Variants in ANO2 observed in about 807,000 individuals in gnomAD.
The protein encoded by ANO2 is anoctamin-2.
Under a neutral mutation model 124.2 loss-of-function variants are expected in ANO2, and 101 were observed. The observed-to-expected ratio is 0.81, with a 90% CI of 0.69 to 0.96. The LOEUF is 0.96. Among genes scored for constraint, ANO2 ranks in the 40% least tolerant of loss-of-function variants. The pLI, the probability that ANO2 is intolerant of heterozygous loss-of-function variation, is 0.00. For missense variants in ANO2, 1,293 were observed against 1,274.5 expected (o/e 1.01, Z -0.22); for synonymous variants, 486 against 482.5 (o/e 1.01, Z -0.09).
intron 10 of ANO2, among the ~76,000 whole-genome samples, chr12:5,786,990 T>C (rs1435145907): frequency 1.3e-5 from 2 of 152,188 alleles, no homozygotes; most frequent in Non-Finnish European, 1.5e-5. Flanking sequence ...ACAGCCACCA[T>C]AGGTGAGCAG....
intron 4 of ANO2, among the ~76,000 whole-genome samples, chr12:5,833,313 T>C (rs888915847): frequency 6.6e-6 from 1 of 152,228 alleles, no homozygotes; most frequent in South Asian, 2.1e-4. Context: ...GCACACATTA[T>C]AGCTTTGGAT....
chr12:5,718,641 A>G (rs532698440), intron 14 of ANO2, among the ~76,000 whole-genome samples: 1 of 152,340 alleles, frequency 6.6e-6, no homozygotes, highest in South Asian at 2.1e-4. Flanking sequence ...GGTCTAATAC[A>G]TAATGTAAGC....
chr12:5,837,293 CTTTTTTT>C (rs10623130), intron 4 of ANO2, among the ~76,000 whole-genome samples: 1 of 95,636 alleles, frequency 1.0e-5, no homozygotes, highest in South Asian at 4.3e-4. Flanking sequence ...ATGCAGATTT[CTTTTTTT>C]TTTTTTTTTT....
chr12:5,753,519 T>C (rs907698457), intron 10 of ANO2, among the ~76,000 whole-genome samples: 2 of 152,216 alleles, frequency 1.3e-5, no homozygotes, highest in African/African-American at 4.8e-5. Flanking sequence ...GTCCCAAGTT[T>C]TTATTTTCCT....
At chr12:5,891,959 G>A (rs1002318153) in intron 3 of ANO2, among the ~76,000 whole-genome samples, 2 of 151,870 alleles carry the variant, frequency 1.3e-5, no homozygotes, top group Admixed American at 6.6e-5. Flanking sequence ...GACAAATGCC[G>A]ATGACAAAGA....
chr12:5,855,010 C>T (rs931177206), intron 3 of ANO2, among the ~76,000 whole-genome samples: 3 of 150,858 alleles, frequency 2.0e-5, no homozygotes, highest in Non-Finnish European at 4.4e-5. Context: ...AATTTTGTCA[C>T]TAAAGAACTA....
chr12:5,568,936 C>T (rs754399115), intron 23 of ANO2, among the ~76,000 whole-genome samples: 3 of 152,242 alleles, frequency 2.0e-5, no homozygotes, highest in Non-Finnish European at 4.4e-5. Flanking sequence ...CCGAGTGCTC[C>T]GCACACTATC....
chr12:5,887,532 T>C (rs73047610), intron 3 of ANO2, among the ~76,000 whole-genome samples: 18,254 of 152,230 alleles, frequency 0.12, 2,545 homozygotes, highest in African/African-American at 0.34. Context: ...TGGCTAGCCC[T>C]GGGAGGCTCA....
chr12:5,691,581 T>C (rs758275317), intron 14 of ANO2, among the ~76,000 whole-genome samples: 8 of 151,910 alleles, frequency 5.3e-5, no homozygotes, highest in Non-Finnish European at 1.2e-4. Context: ...GGGGTGGATA[T>C]GCACTGGTGT....
rs1056086743 is a variant in ANO2 at position 5,900,321 on chromosome 12, G to A, written c.534+20719C>T. On this transcript the variant is annotated intron_variant, in intron 3 of 24. Transcript: ENST00000682330. The surrounding 1 kb of genome is among the most constrained non-coding windows in gnomAD (Gnocchi z 4.2). The stretch of plus-strand genomic sequence containing the variant: ...GACTTACTCCCTGGAACACATGGTT[G>A]TTTGGATCAGGCATCCGTTTCTGAG... 6.6e-6 allele frequency among the ~76,000 whole-genome samples: 1 copy of A among 152,218 alleles called. No homozygotes were observed. Among genetic ancestry groups the A allele is most frequent in the East Asian group, 1.9e-4 (1 of 5,206 alleles).
At chr12:5,670,956 T>C (rs1233268881) in intron 14 of ANO2, among the ~76,000 whole-genome samples, 1 of 152,164 alleles carries the variant, frequency 6.6e-6, no homozygotes, top group African/African-American at 2.4e-5. Context: ...TTCCACAGAA[T>C]GTTAGAGGCA....
intron 14 of ANO2, among the ~76,000 whole-genome samples, chr12:5,715,374 C>T (rs1182405868): frequency 6.6e-6 from 1 of 152,194 alleles, no homozygotes; most frequent in Non-Finnish European, 1.5e-5. Context: ...TTGAAGAGCT[C>T]TTGATCCATC....
chr12:5,833,440 T>A (rs1954218732), intron 4 of ANO2, among the ~76,000 whole-genome samples: 1 of 152,190 alleles, frequency 6.6e-6, no homozygotes, highest in South Asian at 2.1e-4. Flanking sequence ...AGAGGTAGCA[T>A]CTCTGTTCCC....
chr12:5,857,771 G>GAGA (rs1565727973), intron 3 of ANO2, among the ~76,000 whole-genome samples: 1 of 117,586 alleles, frequency 8.5e-6, no homozygotes, highest in Non-Finnish European at 1.8e-5. Context: ...TAAAAGAAAT[G>GAGA]TGATAGATAG....
At chr12:5,664,758 T>C (rs1000429023) in intron 14 of ANO2, among the ~76,000 whole-genome samples, 3 of 152,240 alleles carry the variant, frequency 2.0e-5, no homozygotes, top group African/African-American at 4.8e-5. Flanking sequence ...AACTGGATTT[T>C]CCAGGTACTA....
intron 13 of ANO2, among the ~76,000 whole-genome samples, chr12:5,734,651 CT>C (rs1174928022): frequency 7.3e-4 from 108 of 147,268 alleles, no homozygotes; most frequent in Non-Finnish European, 7.8e-4. Context: ...TTTTTTCTTT[CT>C]TTTTTTTTTT....
chr12:5,626,154 G>A (rs1326479478), intron 16 of ANO2, among the ~76,000 whole-genome samples: 2 of 152,104 alleles, frequency 1.3e-5, no homozygotes, highest in Non-Finnish European at 2.9e-5. Flanking sequence ...TTGGGGTGGT[G>A]AGGTCCCTAG....
At chr12:5,844,781 C>T (rs1954626685) in intron 4 of ANO2, among the ~76,000 whole-genome samples, 1 of 151,956 alleles carries the variant, frequency 6.6e-6, no homozygotes, top group African/African-American at 2.4e-5. Flanking sequence ...TCAGGATATT[C>T]ATAGGTGTTC....
chr12:5,945,468 T>G (rs1425243115), upstream of ANO2, among the ~76,000 whole-genome samples: 2 of 152,100 alleles, frequency 1.3e-5, no homozygotes, highest in African/African-American at 4.8e-5. Context: ...CGCGGCCGGG[T>G]TGAGTCCAGG....
Sources: gnomAD v4.1 joint callset for allele counts (sites outside exome capture counted in the v4.1 genomes callset) on GRCh38, gnomAD v4.1.1 for gene constraint, Gnocchi (gnomAD v3.1) non-coding constraint, MANE v1.5 for transcripts, NCBI Gene and HGNC (gene_info 2026-07-23, HGNC 2026-07-21) for gene names.